ZNF611: variants seen among roughly 807,000 people sequenced by gnomAD.
ZNF611 encodes zinc finger protein 611.
In ZNF611, 6 loss-of-function variants were observed where a neutral mutation model predicts 8.9. That is an observed-to-expected ratio of 0.68 (90% CI 0.37 to 1.34). The LOEUF is 1.34. ZNF611 is among the 40% of genes most tolerant of loss of function. The pLI is 0.02. For synonymous variants in ZNF611, 262 were observed against 279.7 expected (o/e 0.94, Z 0.63); for missense variants, 874 against 841.3 (o/e 1.04, Z -0.48).
intron 5 of ZNF611, among the ~76,000 whole-genome samples, chr19:52,710,393 C>T (rs1046243640): frequency 6.6e-6 from 1 of 152,010 alleles, no homozygotes; most frequent in African/African-American, 2.4e-5. Flanking sequence ...ACACACCCAG[C>T]TAACTTTTGT....
rs1283962495 is a variant in ZNF611, at chr19:52,706,160, C to A, written c.895G>T (p.Glu299Ter). The change falls in exon 6 of 6, where the codon GAG (glutamate) becomes TAG (stop). Residue 299 changes from glutamate to a stop codon, truncating the protein, a stop_gained. Coordinates refer to ENST00000652185, the MANE Select transcript of ZNF611 (RefSeq NM_001161499.2). LOFTEE classifies it low-confidence loss of function (END_TRUNC). ...CTACGATGGCAGGTAAGGGATGACTCCTGACTGAAGGTCTTGCCACACTCT... is the reference window on the plus strand; with the variant it reads ...CTACGATGGCAGGTAAGGGATGACTACTGACTGAAGGTCTTGCCACACTCT... ...CKECGKTFSQ[E>*]SSLTCHRRLH... 1.2e-6 allele frequency: 2 copies of A among 1,612,440 alleles called. No individual in the cohort carries two copies. Among genetic ancestry groups the A allele is most frequent in the African/African-American group, 2.7e-5 (2 of 74,528 alleles).
intron 5 of ZNF611, chr19:52,708,125 CTCAACCA>C: frequency 6.6e-6 from 1 of 152,152 alleles, no homozygotes; most frequent in African/African-American, 2.4e-5. Context: ...ACAACTTCTA[CTCAACCA>C]CCAGCACACA....
intron 1 of ZNF611, among the ~76,000 whole-genome samples, chr19:52,730,987 G>A (rs77863463): frequency 6.6e-6 from 1 of 152,002 alleles, no homozygotes. Flanking sequence ...TCAGGCTGGA[G>A]TGTAGTGGCA....
chr19:52,716,475 T>C (rs1323181017), intron 3 of ZNF611, among the ~76,000 whole-genome samples: 5 of 152,194 alleles, frequency 3.3e-5, no homozygotes, highest in Non-Finnish European at 1.5e-5. Context: ...CACAGCCCCA[T>C]GTTCTGGCTC....
chr19:52,720,442 GGTT>G (rs2062348457), intron 3 of ZNF611, among the ~76,000 whole-genome samples: 2 of 140,058 alleles, frequency 1.4e-5, no homozygotes, highest in East Asian at 2.1e-4. Flanking sequence ...CAGAAGGGGC[GGTT>G]GCTGGACAGA....
At chr19:52,722,935 G>A (rs2062369277) in intron 3 of ZNF611, among the ~76,000 whole-genome samples, 1 of 142,322 alleles carries the variant, frequency 7.0e-6, no homozygotes, top group East Asian at 2.1e-4. Flanking sequence ...GATAGAGATG[G>A]GGGCAATGAC....
chr19:52,707,626 T>C (rs2062254053), intron 5 of ZNF611: 1 of 151,906 alleles, frequency 6.6e-6, no homozygotes, highest in Non-Finnish European at 1.5e-5. Context: ...ACTTTGTGAC[T>C]TTTCAAAAAT....
chr19:52,718,711 T>C lies in ZNF611; in HGVS notation c.-19-2798A>G, dbSNP rs1406885509. ...TACTCAGGAGGCTGAGGCAGGAGAA[T>C]CACTTGAACTCCAGAGGCGAACTTT... On this transcript the variant is annotated intron_variant, in intron 3 of 5. Transcript: ENST00000652185. Among the ~76,000 whole-genome samples the C allele has an allele frequency of 3.9e-5, 6 of 152,090 alleles. No homozygotes were observed. In the East Asian group the frequency reaches 1.2e-3, roughly 29 times the overall value.
chr19:52,730,578 T>A (rs944975650), intron 1 of ZNF611, among the ~76,000 whole-genome samples: 1 of 151,904 alleles, frequency 6.6e-6, no homozygotes, highest in Non-Finnish European at 1.5e-5. Flanking sequence ...TTATTTTTAT[T>A]ATTTATTTAT....
intron 1 of ZNF611, among the ~76,000 whole-genome samples, chr19:52,731,947 G>A (rs187357825): frequency 2.6e-5 from 4 of 150,988 alleles, no homozygotes; most frequent in Admixed American, 6.6e-5. Flanking sequence ...CTCCAGCCTT[G>A]GCAACAAGAG....
intron 1 of ZNF611, among the ~76,000 whole-genome samples, chr19:52,733,054 G>A (rs929809332): frequency 2.6e-5 from 4 of 152,078 alleles, no homozygotes; most frequent in Non-Finnish European, 4.4e-5. Flanking sequence ...CTAGGAAAAG[G>A]GGAGACAGTG....
chr19:52,717,845 A>G (rs1449121299), intron 3 of ZNF611, among the ~76,000 whole-genome samples: 4 of 152,256 alleles, frequency 2.6e-5, no homozygotes, highest in African/African-American at 9.6e-5. Context: ...GGTCCTTGAT[A>G]TCTTTATCAA....
At chr19:52,707,179 A>T (rs1229438898) in intron 5 of ZNF611, among the ~76,000 whole-genome samples, 2 of 151,744 alleles carry the variant, frequency 1.3e-5, no homozygotes, top group African/African-American at 4.8e-5. Context: ...AAAGCATATC[A>T]CCATCACATC....
chr19:52,711,817 CA>C (rs1234250118), intron 5 of ZNF611, among the ~76,000 whole-genome samples: 1 of 152,020 alleles, frequency 6.6e-6, no homozygotes, highest in African/African-American at 2.4e-5. Context: ...TTCACTTTTA[CA>C]AAGTCAATAG....
At chr19:52,724,970 T>A (rs539067006) in intron 3 of ZNF611, among the ~76,000 whole-genome samples, 1 of 152,220 alleles carries the variant, frequency 6.6e-6, no homozygotes, top group Non-Finnish European at 1.5e-5. Context: ...TCACCCATCC[T>A]CTACTTTGCC....
In ZNF611 at chr19:52,710,861, T is replaced by C. The variant is rs193093444; in HGVS notation, c.190+3154A>G. 3.3e-4 allele frequency among the ~76,000 whole-genome samples: 50 copies of C among 152,156 alleles called. 1 individual carries two copies. The highest frequency in any genetic ancestry group is 5.0e-4 in the Non-Finnish European group (34 of 68,000). ...GGATGAATCACTAGTAGAAACTCCA[T>C]CTCTGCTAAAAATACAGAAATTAGC... On this transcript the variant is annotated intron_variant, in intron 5 of 5. Coordinates refer to ENST00000652185, the MANE Select transcript of ZNF611 (RefSeq NM_001161499.2).
At chr19:52,716,715 C>A (rs1241954221) in intron 3 of ZNF611, among the ~76,000 whole-genome samples, 1 of 152,186 alleles carries the variant, frequency 6.6e-6, no homozygotes, top group Non-Finnish European at 1.5e-5. Flanking sequence ...CCTCTGCTCC[C>A]TGACACAGAT....
rs1457458293 is a variant in ZNF611 at position 52,710,973 on chromosome 19, C to T, written c.190+3042G>A. On this transcript the variant is annotated intron_variant, in intron 5 of 5. Transcript: ENST00000652185. ...ACTTGAACCCAAGAAGTGGAGGTTG[C>T]AGTGAGCCGAGACTGCACCACTGCA... is the stretch of plus-strand genomic sequence containing the variant. 4.7e-5 allele frequency among the ~76,000 whole-genome samples: 7 copies of T among 150,362 alleles called. No individual in the cohort carries two copies. The East Asian group carries it at 5.9e-4, about 13-fold the overall frequency.
chr19:52,716,764 C>T (rs1048421088), intron 3 of ZNF611, among the ~76,000 whole-genome samples: 3 of 152,098 alleles, frequency 2.0e-5, no homozygotes, highest in Admixed American at 6.6e-5. Flanking sequence ...TAATTAGAAA[C>T]TCAAAAGAAG....
Sources: gnomAD v4.1 joint callset for allele counts (sites outside exome capture counted in the v4.1 genomes callset) on GRCh38, gnomAD v4.1.1 for gene constraint, MANE v1.5 for transcripts, NCBI Gene and HGNC (gene_info 2026-07-23, HGNC 2026-07-21) for gene names.